TATDN1: variants seen among roughly 807,000 people sequenced by gnomAD.
The protein encoded by TATDN1 is TatD DNase domain containing 1, also known as deoxyribonuclease TATDN1.
Under a neutral mutation model 46.4 loss-of-function variants are expected in TATDN1, and 40 were observed. The ratio of observed to expected loss-of-function variants is 0.86; its 90% CI spans 0.67 to 1.12. The LOEUF (loss-of-function observed/expected upper bound fraction) is 1.12. Among genes scored for constraint, TATDN1 ranks in the 50% most tolerant of loss-of-function variants. TATDN1 has a pLI of 0.00. For missense variants in TATDN1, 326 were observed against 348.4 expected (o/e 0.94, Z 0.51); for synonymous variants, 95 against 105.6 (o/e 0.90, Z 0.62).
intron 2 of TATDN1, 130 bp downstream of exon 2, chr8:124,522,807 A>G: frequency 1.3e-6 from 1 of 775,850 alleles, no homozygotes; most frequent in African/African-American, 1.7e-5. Flanking sequence ...CTCCTGCCTC[A>G]GACTCCCAAA....
At chr8:124,501,173 A>G (rs1274556389) in intron 9 of TATDN1, among the ~76,000 whole-genome samples, 2 of 152,204 alleles carry the variant, frequency 1.3e-5, no homozygotes, top group East Asian at 1.9e-4. Flanking sequence ...GCAGCCCACT[A>G]AACAGTGAGA....
intron 9 of TATDN1, among the ~76,000 whole-genome samples, chr8:124,496,066 CAA>C (rs1015863891): frequency 6.6e-6 from 1 of 152,198 alleles, no homozygotes; most frequent in Non-Finnish European, 1.5e-5. Flanking sequence ...CCAGCTGACT[CAA>C]AGATCCATGA....
intron 4 of TATDN1, 90 bp from the exon 5 acceptor site, chr8:124,516,120 A>C (rs1323271167): frequency 1.7e-6 from 2 of 1,167,146 alleles, no homozygotes; most frequent in African/African-American, 1.6e-5. Context: ...AAGTAATTTC[A>C]ACTGGTTTTC....
chr8:124,510,324 T>A (rs959041470), intron 6 of TATDN1, among the ~76,000 whole-genome samples: 1 of 152,132 alleles, frequency 6.6e-6, no homozygotes, highest in Non-Finnish European at 1.5e-5. Flanking sequence ...AGTCATTATG[T>A]CAACTTTACT....
chr8:124,507,977 A>C (rs1322202976), intron 8 of TATDN1, among the ~76,000 whole-genome samples: 1 of 152,212 alleles, frequency 6.6e-6, no homozygotes. Flanking sequence ...ATGGGAAAAG[A>C]AGCTCCTAAT....
chr8:124,538,822 A>C, intron 1 of TATDN1: 3 of 625,554 alleles, frequency 4.8e-6, no homozygotes, highest in Non-Finnish European at 8.6e-6. Context: ...TTTTACAAAT[A>C]AATACACCCT....
chr8:124,498,139 T>A (rs981250854), intron 9 of TATDN1, among the ~76,000 whole-genome samples: 11 of 152,208 alleles, frequency 7.2e-5, no homozygotes, highest in Non-Finnish European at 1.5e-4. Flanking sequence ...TGGTGGTCCT[T>A]GGATATCCAT....
intron 8 of TATDN1, among the ~76,000 whole-genome samples, chr8:124,506,423 A>C (rs1394883315): frequency 6.6e-6 from 1 of 152,150 alleles, no homozygotes; most frequent in East Asian, 1.9e-4. Context: ...GTTAGGATAA[A>C]TACCACTAAT....
At chr8:124,524,842 C>T (rs1298187766) in intron 1 of TATDN1, among the ~76,000 whole-genome samples, 1 of 152,060 alleles carries the variant, frequency 6.6e-6, no homozygotes, top group Non-Finnish European at 1.5e-5. Flanking sequence ...GTTTACTCAA[C>T]TTGATGGATT....
chr8:124,503,883 G>C (rs1818184810), intron 9 of TATDN1: 2 of 1,287,262 alleles, frequency 1.6e-6, no homozygotes, highest in African/African-American at 1.5e-5. Context: ...TGACTGCAGA[G>C]ATGTATGACT....
chr8:124,522,234 G>A, intron 2 of TATDN1, 34 bp from the exon 3 acceptor site: 1 of 1,453,940 alleles, frequency 6.9e-7, no homozygotes, highest in Non-Finnish European at 9.4e-7. Flanking sequence ...ATGAAAACCT[G>A]GCAGACAAAA....
chr8:124,526,712 AAAGT>A (rs1448598669), intron 1 of TATDN1: 1 of 152,256 alleles, frequency 6.6e-6, no homozygotes, highest in Non-Finnish European at 1.5e-5. Flanking sequence ...TTTTCAAAAC[AAAGT>A]AAGAGTAGAA....
chr8:124,513,326 G>C (rs529319704), intron 6 of TATDN1, among the ~76,000 whole-genome samples: 55 of 152,096 alleles, frequency 3.6e-4, no homozygotes, highest in Non-Finnish European at 7.9e-4. Flanking sequence ...ATCCACTCTG[G>C]AAGAAGCCAG....
chr8:124,527,671 A>AG (rs971590405), intron 1 of TATDN1, among the ~76,000 whole-genome samples: 62 of 152,046 alleles, frequency 4.1e-4, no homozygotes, highest in African/African-American at 1.3e-3. Context: ...CGGGTGGGGC[A>AG]GGGGGGTGCT....
chr8:124,489,264 T>C (rs1816703738), intron 11 of TATDN1: 1 of 152,450 alleles, frequency 6.6e-6, no homozygotes, highest in African/African-American at 2.4e-5. Context: ...AAATGTGTGG[T>C]TATTGAGGGC....
intron 9 of TATDN1, among the ~76,000 whole-genome samples, chr8:124,496,090 A>G (rs1384669079): frequency 3.3e-5 from 5 of 152,210 alleles, no homozygotes; most frequent in Non-Finnish European, 7.4e-5. Context: ...TGCAAACATA[A>G]ATGCTTCCTG....
intron 1 of TATDN1, among the ~76,000 whole-genome samples, chr8:124,530,723 A>G (rs909394523): frequency 6.6e-6 from 1 of 152,350 alleles, no homozygotes; most frequent in South Asian, 2.1e-4. Context: ...GTAGCTAAAC[A>G]TCGAAGTTAT....
At chr8:124,515,332 G>A (rs1819370199) in intron 6 of TATDN1, among the ~76,000 whole-genome samples, 1 of 152,168 alleles carries the variant, frequency 6.6e-6, no homozygotes, top group Admixed American at 6.5e-5. Flanking sequence ...GGTGAGCTGA[G>A]ATCACGCCTC....
intron 6 of TATDN1, among the ~76,000 whole-genome samples, chr8:124,514,055 C>A (rs1819251044): frequency 1.3e-5 from 2 of 152,136 alleles, no homozygotes; most frequent in Non-Finnish European, 2.9e-5. Flanking sequence ...AACAGTTCTA[C>A]AAGGGATGTA....
Sources: gnomAD v4.1 joint callset for allele counts (sites outside exome capture counted in the v4.1 genomes callset) on GRCh38, gnomAD v4.1.1 for gene constraint, MANE v1.5 for transcripts, NCBI Gene and HGNC (gene_info 2026-07-23, HGNC 2026-07-21) for gene names.